Variants in SYTL2 observed in about 807,000 individuals in gnomAD.
SYTL2 encodes the protein synaptotagmin-like protein 2.
A neutral mutation model predicts 198.7 loss-of-function variants in SYTL2; 165 were observed. The observed-to-expected ratio is 0.83, with a 90% confidence interval of 0.73 to 0.94. The LOEUF is 0.94. Among genes scored for constraint, SYTL2 ranks in the 40% least tolerant of loss-of-function variants. The pLI, the probability that SYTL2 is intolerant of heterozygous loss-of-function variation, is 0.00. For missense variants in SYTL2, 2,835 were observed against 2,582.8 expected (o/e 1.10, Z -2.12); for synonymous variants, 966 against 917.7 (o/e 1.05, Z -0.95).
the SYTL2 span, among the ~76,000 whole-genome samples, chr11:85,846,832 C>T: frequency 1.3e-5 from 2 of 149,808 alleles, no homozygotes; most frequent in South Asian, 4.2e-4. Context: ...CTCTCGGGTT[C>T]AAGCGATTCT....
intron 16 of SYTL2, among the ~76,000 whole-genome samples, chr11:85,701,213 G>T (rs1160705700): frequency 6.6e-6 from 1 of 152,114 alleles, no homozygotes; most frequent in Non-Finnish European, 1.5e-5. Context: ...TTTGAAATTC[G>T]TAATATTTGC....
At chr11:85,700,862 C>T (rs568130238) in intron 16 of SYTL2, among the ~76,000 whole-genome samples, 2 of 152,286 alleles carry the variant, frequency 1.3e-5, no homozygotes, top group South Asian at 4.1e-4. Context: ...ACCAGAATGG[C>T]TTTCTTGGAG....
intron 4 of SYTL2, among the ~76,000 whole-genome samples, chr11:85,744,583 C>T (rs572448280): frequency 6.6e-6 from 1 of 152,332 alleles, no homozygotes; most frequent in South Asian, 2.1e-4. Flanking sequence ...TATAACTTTA[C>T]TCATATTTGA....
intron 6 of SYTL2, 42 bp downstream of exon 6, chr11:85,736,457 GAT>G (rs2090343895): frequency 9.6e-7 from 1 of 1,038,784 alleles, no homozygotes; most frequent in African/African-American, 1.7e-5. Flanking sequence ...TTAGTCCACA[GAT>G]AACAAAGATA....
chr11:85,766,204 G>C (rs981486265), intron 1 of SYTL2, among the ~76,000 whole-genome samples: 16 of 152,204 alleles, frequency 1.1e-4, no homozygotes, highest in Admixed American at 7.2e-4. Flanking sequence ...GAGGCCTAAA[G>C]TGTCAAGGGG....
At position 85,724,034 on chromosome 11, in the gene SYTL2, GA is replaced by G. The variant is rs1308548842; in HGVS notation, c.5323del (p.Ser1775ProfsTer11). 3 of 1,446,714 alleles carry G rather than the reference GA, an allele frequency of 2.1e-6. No individual in the cohort carries two copies. The highest frequency in any genetic ancestry group is 2.7e-6 in the Non-Finnish European group (3 of 1,099,570). The allele number at this position is 1,446,714 out of a possible 1,614,324, so 89.6% of individuals were successfully genotyped here. On this transcript the variant is annotated frameshift_variant, in exon 8 of 20. Coordinates refer to ENST00000359152, the MANE Select transcript of SYTL2 (RefSeq NM_206927.4). LOFTEE classifies it high-confidence loss of function. ...GTTAAAAAATTTTAAATGCTCACTGGAAGGATTTCTCCAGCTCTCTGCATTA... is the reference window on the plus strand; with the variant it reads ...GTTAAAAAATTTTAAATGCTCACTGGAGGATTTCTCCAGCTCTCTGCATTA... Reference protein sequence around the residue: ...SSNAESWRNPSSSEEEPSPVL... With the variant: ...SSNAESWRNPXSSEEEPSPVL...
chr11:85,764,266 C>G (rs990503754), intron 1 of SYTL2, among the ~76,000 whole-genome samples: 3 of 152,196 alleles, frequency 2.0e-5, no homozygotes, highest in African/African-American at 7.2e-5. Flanking sequence ...GTTCTCTAAG[C>G]CTCTCATGAT....
intron 4 of SYTL2, among the ~76,000 whole-genome samples, chr11:85,745,353 T>C (rs548201537): frequency 1.1e-4 from 16 of 152,276 alleles, no homozygotes; most frequent in African/African-American, 3.8e-4. Context: ...TAAGGAGAAA[T>C]CCATGGGAGA....
intron 7 of SYTL2, among the ~76,000 whole-genome samples, chr11:85,732,532 AGTT>A (rs1160652976): frequency 6.9e-6 from 1 of 145,404 alleles, no homozygotes; most frequent in Non-Finnish European, 1.5e-5. Context: ...CATAAGTGGG[AGTT>A]CAACAATGAG....
intron 5 of SYTL2, 140 bp from the exon 6 acceptor site, chr11:85,736,755 T>G: frequency 1.6e-6 from 1 of 617,774 alleles, no homozygotes; most frequent in South Asian, 2.0e-5. Flanking sequence ...ACAGTTGTCC[T>G]GATTAATCTG....
chr11:85,835,132 T>G, the SYTL2 span, among the ~76,000 whole-genome samples: 1 of 152,200 alleles, frequency 6.6e-6, no homozygotes, highest in Non-Finnish European at 1.5e-5. Flanking sequence ...CATCATAAGT[T>G]GAGGAATATC....
At chr11:85,845,586 G>T in the SYTL2 span, among the ~76,000 whole-genome samples, 1 of 152,178 alleles carries the variant, frequency 6.6e-6, no homozygotes, top group East Asian at 1.9e-4. Context: ...AACACAGAGA[G>T]ACCTGGTCTC....
chr11:85,829,058 TTTTTG>T, the SYTL2 span, among the ~76,000 whole-genome samples: 920 of 150,290 alleles, frequency 6.1e-3, 9 homozygotes, highest in African/African-American at 0.022. Flanking sequence ...TGTTTTTTTT[TTTTTG>T]TTTGTTTGTT....
the SYTL2 span, among the ~76,000 whole-genome samples, chr11:85,829,752 T>C: frequency 7.2e-5 from 11 of 152,352 alleles, no homozygotes; most frequent in Non-Finnish European, 1.5e-4. Flanking sequence ...TGGTGTACTA[T>C]GGTATCTCAT....
At chr11:85,748,141 G>C in intron 3 of SYTL2, 131 bp downstream of exon 3, 4 of 1,061,536 alleles carry the variant, frequency 3.8e-6, no homozygotes, top group Admixed American at 4.6e-5. Context: ...ATTTAAACTA[G>C]AGGGCCACAC....
chr11:85,765,729 A>T (rs1261762905), intron 1 of SYTL2, among the ~76,000 whole-genome samples: 5 of 152,152 alleles, frequency 3.3e-5, no homozygotes, highest in African/African-American at 7.2e-5. Flanking sequence ...ATTATGAATG[A>T]AGAGGGAAAG....
At chr11:85,846,234 T>A in the SYTL2 span, among the ~76,000 whole-genome samples, 2 of 152,104 alleles carry the variant, frequency 1.3e-5, no homozygotes, top group Admixed American at 1.3e-4. Flanking sequence ...AGAGCAAGTA[T>A]CCCAAAAGAA....
At chr11:85,852,655 C>T in the SYTL2 span, 349 of 187,074 alleles carry the variant, frequency 1.9e-3, 4 homozygotes, top group African/African-American at 7.9e-3. Flanking sequence ...GGATTGCAGA[C>T]GGAGTCTCGT....
chr11:85,835,068 C>A, the SYTL2 span, among the ~76,000 whole-genome samples: 1 of 152,042 alleles, frequency 6.6e-6, no homozygotes, highest in Non-Finnish European at 1.5e-5. Context: ...CCCTTAAATG[C>A]ATTTTTGGCT....
Sources: allele counts gnomAD v4.1 joint callset (sites outside exome capture counted in the v4.1 genomes callset), GRCh38; gene constraint gnomAD v4.1.1; transcripts MANE v1.5; gene names NCBI Gene and HGNC (gene_info 2026-07-23, HGNC 2026-07-21).